ANKS1B: variants seen among roughly 807,000 people sequenced by gnomAD.
The protein encoded by ANKS1B is ankyrin repeat and sterile alpha motif domain containing 1B.
ANKS1B carries 36 observed loss-of-function variants against 148.3 expected under a neutral mutation model. That is an observed-to-expected ratio of 0.24 (90% CI 0.19 to 0.32). The LOEUF is 0.32. ANKS1B is among the 10% of genes least tolerant of loss of function. The probability of loss-of-function intolerance (pLI) is 1.00; values close to 1 mark genes in which losing one functional copy is unlikely to be tolerated. For synonymous variants in ANKS1B, 542 were observed against 560.8 expected (o/e 0.97, Z 0.47); for missense variants, 1,157 against 1,542.6 (o/e 0.75, Z 4.19).
chr12:99,440,449 T>C (rs2095531391), intron 11 of ANKS1B, among the ~76,000 whole-genome samples: 1 of 151,494 alleles, frequency 6.6e-6, no homozygotes, highest in South Asian at 2.1e-4. Flanking sequence ...TACAAGTAAG[T>C]AGAAAAATTC....
In ANKS1B at chr12:99,086,841, C is replaced by T. The variant is rs560977369; in HGVS notation, c.2527-1818G>A. On this transcript the variant is annotated intron_variant, in intron 15 of 26. Transcript: ENST00000683438. Reference sequence around the variant, plus strand: ...GTCCTACTTATGTGTAACACAAAAACGCAAGAATAGAAATGACAGAATATC... The same window carrying T: ...GTCCTACTTATGTGTAACACAAAAATGCAAGAATAGAAATGACAGAATATC... 3.3e-5 allele frequency among the ~76,000 whole-genome samples: 5 copies of T among 152,102 alleles called. No individual in the cohort carries two copies. In the East Asian group the frequency reaches 7.7e-4, roughly 23 times the overall value.
intron 9 of ANKS1B, chr12:99,648,405 C>A: frequency 1.9e-6 from 3 of 1,614,102 alleles, no homozygotes; most frequent in Non-Finnish European, 2.5e-6. Flanking sequence ...TTCGCACCAG[C>A]CCCTGCCTCA....
chr12:99,739,017 A>T (rs1387385511), intron 8 of ANKS1B, among the ~76,000 whole-genome samples: 1 of 152,044 alleles, frequency 6.6e-6, no homozygotes, highest in East Asian at 1.9e-4. Flanking sequence ...GCCATCTTCC[A>T]CTAGACTTAG....
At chr12:98,821,934 A>C in intron 19 of ANKS1B, among the ~76,000 whole-genome samples, 2 of 138,524 alleles carry the variant, frequency 1.4e-5, no homozygotes, top group African/African-American at 2.7e-5. Flanking sequence ...TTTTTTTGAC[A>C]CTCTTGGAAA....
chr12:99,384,604 T>C (rs922844364), intron 12 of ANKS1B, among the ~76,000 whole-genome samples: 1 of 151,840 alleles, frequency 6.6e-6, no homozygotes, highest in Non-Finnish European at 1.5e-5. Context: ...TCCCTTCCTT[T>C]CCCTGCCCTG....
chr12:99,893,195 G>T (rs2093205397), intron 1 of ANKS1B, among the ~76,000 whole-genome samples: 1 of 152,080 alleles, frequency 6.6e-6, no homozygotes, highest in South Asian at 2.1e-4. Context: ...CAGATCACAA[G>T]GTCAGGAGAT....
At chr12:99,270,510 G>A (rs73381158) in intron 12 of ANKS1B, among the ~76,000 whole-genome samples, 3,298 of 152,192 alleles carry the variant, frequency 0.022, 104 homozygotes, top group East Asian at 0.067. Flanking sequence ...AAGATTTATG[G>A]AGGTAAGGAC....
intron 17 of ANKS1B, among the ~76,000 whole-genome samples, chr12:98,872,821 G>A (rs2099675250): frequency 6.6e-6 from 1 of 152,086 alleles, no homozygotes; most frequent in Non-Finnish European, 1.5e-5. Flanking sequence ...AATTACTTCT[G>A]TTTTAGTCAC....
intron 26 of ANKS1B, among the ~76,000 whole-genome samples, chr12:98,747,491 TCTA>T (rs2097921058): frequency 6.6e-6 from 1 of 152,260 alleles, no homozygotes; most frequent in Admixed American, 6.5e-5. Context: ...GGGAAACACT[TCTA>T]CACTGTTGGT....
intron 12 of ANKS1B, among the ~76,000 whole-genome samples, chr12:99,358,191 T>C (rs914829525): frequency 4.6e-5 from 7 of 152,138 alleles, no homozygotes; most frequent in African/African-American, 7.2e-5. Flanking sequence ...AATTTTTATG[T>C]AGTAAAACAT....
rs570620578 is a variant in ANKS1B, at chr12:99,655,980, G to T, written c.1129-770C>A. ...CTGTGAAGGTGTAAGTGTAGGTGGG[G>T]CAGAAACAGACTGAAACTCAGTATC... On this transcript the variant is annotated intron_variant, in intron 8 of 26. Transcript: ENST00000683438. Among the ~76,000 whole-genome samples, 5 of 152,226 alleles carry T rather than the reference G, an allele frequency of 3.3e-5. No homozygotes were observed. In the East Asian group the frequency reaches 9.7e-4, roughly 29 times the overall value.
chr12:99,566,383 A>G (rs11109921), intron 9 of ANKS1B, among the ~76,000 whole-genome samples: 2,142 of 152,294 alleles, frequency 0.014, 54 homozygotes, highest in African/African-American at 0.049. Flanking sequence ...CTGCAAGTAT[A>G]TAAAAAGGAT....
chr12:98,854,819 C>T (rs1043166310), intron 17 of ANKS1B, among the ~76,000 whole-genome samples: 3 of 152,192 alleles, frequency 2.0e-5, no homozygotes, highest in Non-Finnish European at 4.4e-5. Context: ...AGTCATTCAA[C>T]ATTTCACTCA....
At chr12:99,655,875 G>A (rs560592313) in intron 8 of ANKS1B, among the ~76,000 whole-genome samples, 1 of 152,092 alleles carries the variant, frequency 6.6e-6, no homozygotes, top group Non-Finnish European at 1.5e-5. Context: ...GATAACAGAT[G>A]GGTATTACCT....
At chr12:98,936,699 T>C (rs1033329051) in intron 17 of ANKS1B, among the ~76,000 whole-genome samples, 2 of 152,164 alleles carry the variant, frequency 1.3e-5, no homozygotes, top group African/African-American at 2.4e-5. Flanking sequence ...ATTCTTCACT[T>C]GTTTCAAATA....
At chr12:98,909,524 G>A (rs141061477) in intron 17 of ANKS1B, among the ~76,000 whole-genome samples, 87 of 152,206 alleles carry the variant, frequency 5.7e-4, no homozygotes, top group Non-Finnish European at 8.1e-4. Flanking sequence ...TTCTGGCATC[G>A]TATAAACCAG....
intron 15 of ANKS1B, among the ~76,000 whole-genome samples, chr12:99,093,841 G>A (rs61933377): frequency 0.039 from 5,929 of 152,268 alleles, 157 homozygotes; most frequent in Middle Eastern, 0.061. Flanking sequence ...AAGAGGAAAG[G>A]AGCAAAGAGG....
chr12:99,492,015 G>A (rs747309151), intron 10 of ANKS1B, among the ~76,000 whole-genome samples: 1 of 151,758 alleles, frequency 6.6e-6, no homozygotes, highest in Non-Finnish European at 1.5e-5. Flanking sequence ...AGAACCAAGG[G>A]CACCCCCAAA....
intron 17 of ANKS1B, among the ~76,000 whole-genome samples, chr12:98,981,881 G>A (rs1479736311): frequency 1.3e-5 from 2 of 152,210 alleles, no homozygotes; most frequent in Non-Finnish European, 2.9e-5. Flanking sequence ...ACTTTAGTCT[G>A]CTGAGATACT....
Sources: gnomAD v4.1 joint callset for allele counts (sites outside exome capture counted in the v4.1 genomes callset) on GRCh38, gnomAD v4.1.1 for gene constraint, MANE v1.5 for transcripts, NCBI Gene and HGNC (gene_info 2026-07-23, HGNC 2026-07-21) for gene names.